LOC400499: variants seen among roughly 807,000 people sequenced by gnomAD.
chr16:11,461,194 G>T, the LOC400499 span: 10,548 of 1,465,294 alleles, frequency 7.2e-3, 64 homozygotes, highest in Middle Eastern at 0.013. Context: ...GGCAAAGAAG[G>T]GACTCAGGTA....
the LOC400499 span, among the ~76,000 whole-genome samples, chr16:11,510,205 A>G: frequency 4.2e-5 from 6 of 142,264 alleles, no homozygotes; most frequent in Non-Finnish European, 9.6e-5. Context: ...CTCAGCTTCA[A>G]TGCTCCTTAG....
chr16:11,452,604 T>C, the LOC400499 span, among the ~76,000 whole-genome samples: 1 of 152,390 alleles, frequency 6.6e-6, no homozygotes, highest in Admixed American at 6.5e-5. Flanking sequence ...CAACTGCATC[T>C]GCCCAGGCAG....
the LOC400499 span, chr16:11,460,760 G>C: frequency 1.5e-6 from 2 of 1,296,356 alleles, no homozygotes; most frequent in South Asian, 3.1e-5. Flanking sequence ...CTGTCGATGG[G>C]GAGGTGTTAA....
At chr16:11,456,560 G>C in the LOC400499 span, among the ~76,000 whole-genome samples, 1 of 152,296 alleles carries the variant, frequency 6.6e-6, no homozygotes, top group East Asian at 1.9e-4. Flanking sequence ...GTAATTATAA[G>C]CATCACGGCA....
At chr16:11,520,604 T>A in the LOC400499 span, among the ~76,000 whole-genome samples, 1 of 145,822 alleles carries the variant, frequency 6.9e-6, no homozygotes, top group Non-Finnish European at 1.5e-5. Context: ...GAGGCGGAGA[T>A]TGCAATGAGC....
the LOC400499 span, among the ~76,000 whole-genome samples, chr16:11,410,216 G>A: frequency 6.6e-6 from 1 of 152,212 alleles, no homozygotes; most frequent in Admixed American, 6.5e-5. Flanking sequence ...CACTTTGGGA[G>A]GCCGAGGTGG....
At chr16:11,422,599 T>C in the LOC400499 span, among the ~76,000 whole-genome samples, 1 of 152,152 alleles carries the variant, frequency 6.6e-6, no homozygotes, top group African/African-American at 2.4e-5. Flanking sequence ...CAGGAACTGC[T>C]ACTCCATATA....
At chr16:11,381,908 G>A in the LOC400499 span, among the ~76,000 whole-genome samples, 3 of 151,396 alleles carry the variant, frequency 2.0e-5, no homozygotes, top group Non-Finnish European at 4.4e-5. Context: ...GATCATGCCT[G>A]CTGACTCTAA....
At chr16:11,519,340 G>A in the LOC400499 span, among the ~76,000 whole-genome samples, 1 of 152,200 alleles carries the variant, frequency 6.6e-6, no homozygotes, top group East Asian at 1.9e-4. Flanking sequence ...TGTCACCATG[G>A]GGTGTGTGTG....
chr16:11,382,245 T>G, the LOC400499 span, among the ~76,000 whole-genome samples: 3 of 152,230 alleles, frequency 2.0e-5, no homozygotes, highest in Admixed American at 1.3e-4. Context: ...GCATTTCTTT[T>G]AGACATGTTG....
At chr16:11,501,877 G>A in the LOC400499 span, among the ~76,000 whole-genome samples, 6 of 152,260 alleles carry the variant, frequency 3.9e-5, no homozygotes, top group Non-Finnish European at 5.9e-5. Flanking sequence ...CTTGGACCCC[G>A]TGGGAACCTC....
chr16:11,474,846 G>T, the LOC400499 span, among the ~76,000 whole-genome samples: 1 of 152,136 alleles, frequency 6.6e-6, no homozygotes. Flanking sequence ...CTCCGGTCTG[G>T]ACGACAGAGA....
the LOC400499 span, among the ~76,000 whole-genome samples, chr16:11,382,683 G>A: frequency 5.3e-5 from 8 of 152,266 alleles, no homozygotes; most frequent in East Asian, 5.8e-4. Context: ...GGTGGCTCCC[G>A]CCTGTCATTT....
At chr16:11,403,831 C>T in the LOC400499 span, among the ~76,000 whole-genome samples, 5 of 108,588 alleles carry the variant, frequency 4.6e-5, no homozygotes, top group African/African-American at 1.3e-4. Flanking sequence ...GCTCCCCTGG[C>T]ACCACAACTG....
At chr16:11,395,375 G>C in the LOC400499 span, among the ~76,000 whole-genome samples, 1 of 152,212 alleles carries the variant, frequency 6.6e-6, no homozygotes, top group Non-Finnish European at 1.5e-5. Context: ...GGAAGCAAGA[G>C]GACCAGCCTC....
At chr16:11,395,639 T>C in the LOC400499 span, among the ~76,000 whole-genome samples, 1 of 152,208 alleles carries the variant, frequency 6.6e-6, no homozygotes, top group African/African-American at 2.4e-5. Context: ...ACCTGCTACA[T>C]GCAGATGTTG....
chr16:11,453,575 A>C, the LOC400499 span, among the ~76,000 whole-genome samples: 1 of 152,190 alleles, frequency 6.6e-6, no homozygotes, highest in African/African-American at 2.4e-5. Flanking sequence ...TTGAAAATAT[A>C]AGATAATCCA....
At chr16:11,465,727 C>G in the LOC400499 span, among the ~76,000 whole-genome samples, 1 of 149,280 alleles carries the variant, frequency 6.7e-6, no homozygotes, top group Non-Finnish European at 1.5e-5. Context: ...GATCTACGAT[C>G]ACTGCACAGA....
chr16:11,492,014 G>C, the LOC400499 span, among the ~76,000 whole-genome samples: 4 of 152,140 alleles, frequency 2.6e-5, no homozygotes, highest in African/African-American at 9.7e-5. Context: ...AGCTGTGGGA[G>C]GTAGCAGGGG....
Sources: allele counts gnomAD v4.1 joint callset (sites outside exome capture counted in the v4.1 genomes callset), GRCh38; gene constraint gnomAD v4.1.1; transcripts MANE v1.5.